Variants in CWH43 observed in about 807,000 individuals in gnomAD.
CWH43 encodes the protein cell wall biogenesis 43 C-terminal homolog.
CWH43 carries 91 observed loss-of-function variants against 85.7 expected under a neutral mutation model. The observed-to-expected ratio is 1.06, with a 90% CI of 0.90 to 1.26. CWH43 has a LOEUF of 1.26. Among genes scored for constraint, CWH43 ranks in the 50% most tolerant of loss-of-function variants. The pLI is 0.00. For missense variants in CWH43, 869 were observed against 839.2 expected (o/e 1.04, Z -0.44); for synonymous variants, 323 against 293.6 (o/e 1.10, Z -1.02).
chr4:49,016,661 CAG>C (rs1783557154), intron 8 of CWH43: 15 of 758,698 alleles, frequency 2.0e-5, no homozygotes, highest in Non-Finnish European at 3.2e-5. Flanking sequence ...AGGGGAGGGG[CAG>C]TTACTGGGCT....
At chr4:49,049,127 T>G (rs1303677799) in intron 14 of CWH43, among the ~76,000 whole-genome samples, 1 of 152,202 alleles carries the variant, frequency 6.6e-6, no homozygotes, top group African/African-American at 2.4e-5. Flanking sequence ...TAACCTAGAT[T>G]TGCTAAAGAC....
chr4:49,003,681 C>A, intron 6 of CWH43, 54 bp from the exon 7 acceptor site: 2 of 1,593,374 alleles, frequency 1.3e-6, no homozygotes, highest in South Asian at 2.3e-5. Flanking sequence ...ATAAATTGGT[C>A]ATCCTCTAAG....
At position 49,015,038 on chromosome 4, in the gene CWH43, G is replaced by A. The variant is rs1283536786; in HGVS notation, c.1187-2211G>A. Reference sequence around the variant, plus strand: ...ATCCCCTGTGCCTCACCTAATCATCGATTCCTCCTCCAAACCCCTGGCAAC... The same window carrying A: ...ATCCCCTGTGCCTCACCTAATCATCAATTCCTCCTCCAAACCCCTGGCAAC... On this transcript the variant is annotated intron_variant, in intron 8 of 15. Transcript: ENST00000226432. Among the ~76,000 whole-genome samples the A allele has an allele frequency of 3.9e-5, 6 of 151,966 alleles. No homozygotes were observed. In the South Asian group the frequency reaches 8.3e-4, roughly 21 times the overall value.
chr4:49,004,541 C>T (rs1429140237), intron 7 of CWH43, among the ~76,000 whole-genome samples: 1 of 152,172 alleles, frequency 6.6e-6, no homozygotes, highest in Non-Finnish European at 1.5e-5. Flanking sequence ...GTGTGGGCCA[C>T]CACACTCCAC....
rs368038070 is a variant in CWH43, at chr4:48,992,047, A to T, written c.468A>T (p.Ile156=). The T allele has an allele frequency of 4.3e-6, 7 of 1,614,070 alleles. No homozygotes were observed. In the Admixed American group the frequency reaches 1.2e-4, roughly 27 times the overall value. Residue 156 remains isoleucine (I), a synonymous_variant, in exon 4 of 16, where the codon ATA becomes ATT. Transcript: ENST00000226432. The surrounding 1 kb of genome is among the most constrained non-coding windows in gnomAD (Gnocchi z 4.3). ...IWSYQMSNKV[I]LTLSAIATLD... is the part of the protein sequence containing the mutation. The stretch of plus-strand genomic sequence containing the variant: ...GTTATCAGATGTCCAACAAAGTGAT[A>T]CTGACATTAAGTGCCATAGCCACAC...
chr4:49,026,139 C>T (rs1302961248), intron 9 of CWH43, among the ~76,000 whole-genome samples: 1 of 152,144 alleles, frequency 6.6e-6, no homozygotes, highest in Non-Finnish European at 1.5e-5. Flanking sequence ...AGAAAGCCGG[C>T]AGCCACAGGC....
At chr4:49,051,258 C>T (rs1255229139) in intron 15 of CWH43, among the ~76,000 whole-genome samples, 1 of 152,128 alleles carries the variant, frequency 6.6e-6, no homozygotes, top group Non-Finnish European at 1.5e-5. Context: ...GAAGCTCAAG[C>T]TTAAGAACAT....
chr4:49,015,246 T>C (rs983151807), intron 8 of CWH43, among the ~76,000 whole-genome samples: 2 of 152,188 alleles, frequency 1.3e-5, no homozygotes, highest in Admixed American at 6.5e-5. Flanking sequence ...TTTTGATATT[T>C]TTTTCATTGA....
At chr4:49,038,311 C>CA (rs1784324576) in intron 13 of CWH43, 131 bp downstream of exon 13, 1 of 690,198 alleles carries the variant, frequency 1.4e-6, no homozygotes, top group Admixed American at 2.9e-5. Flanking sequence ...AAAATCACCA[C>CA]AAAACATGTG....
chr4:49,003,509 A>T, intron 6 of CWH43: 2 of 494,058 alleles, frequency 4.0e-6, no homozygotes, highest in Non-Finnish European at 7.1e-6. Context: ...AGGAAATAGC[A>T]GTGAACTGAG....
At chr4:49,004,997 T>A (rs1783111322) in intron 7 of CWH43, among the ~76,000 whole-genome samples, 1 of 152,204 alleles carries the variant, frequency 6.6e-6, no homozygotes, top group African/African-American at 2.4e-5. Context: ...GTTTACATAA[T>A]TTTAGCTTAA....
In CWH43 at chr4:49,029,409, G is replaced by C. The variant is rs58107350; in HGVS notation, c.1372+675G>C. Among the ~76,000 whole-genome samples, 1,282 of 152,320 alleles carry C rather than the reference G, an allele frequency of 8.4e-3. 3 individuals are homozygous for C. The highest frequency in any genetic ancestry group is 0.015 in the African/African-American group (630 of 41,570). On this transcript the variant is annotated intron_variant, in intron 10 of 15. Coordinates refer to ENST00000226432, the MANE Select transcript of CWH43 (RefSeq NM_025087.3). ...CAATGCACTGCGGAAAGCCACAGGGGCCTCTGCCCAAGAAAGCTTGGGTAT... is the reference window on the plus strand; with the variant it reads ...CAATGCACTGCGGAAAGCCACAGGGCCCTCTGCCCAAGAAAGCTTGGGTAT...
Position 49,018,861 on chromosome 4 carries a change from A to G in CWH43, c.1266+1533A>G, listed in dbSNP as rs138390235. On this transcript the variant is annotated intron_variant, in intron 9 of 15. Transcript: ENST00000226432. ...TCCAGTAACTTACAGAGTGCTTGCCAGGTATTCAGAACTAAGTAACTATTT... is the reference window on the plus strand; with the variant it reads ...TCCAGTAACTTACAGAGTGCTTGCCGGGTATTCAGAACTAAGTAACTATTT... Among the ~76,000 whole-genome samples the G allele has an allele frequency of 2.3e-4, 35 of 152,332 alleles. No individual in the cohort carries two copies. The East Asian group carries it at 6.4e-3, about 28-fold the overall frequency.
At chr4:49,060,157 A>G (rs1270090444) in intron 15 of CWH43, among the ~76,000 whole-genome samples, 1 of 152,010 alleles carries the variant, frequency 6.6e-6, no homozygotes, top group Non-Finnish European at 1.5e-5. Flanking sequence ...GCCTGGGGTT[A>G]TAAGGGGTGG....
At chr4:49,050,607 T>C (rs1784761847) in intron 14 of CWH43, 87 bp from the exon 15 acceptor site, 1 of 1,047,952 alleles carries the variant, frequency 9.5e-7, no homozygotes, top group East Asian at 2.4e-5. Flanking sequence ...GGGAAACTGG[T>C]TTAATAACAA....
intron 11 of CWH43, among the ~76,000 whole-genome samples, 167 bp from the exon 12 acceptor site, chr4:49,032,399 G>T (rs1784124982): frequency 6.6e-6 from 1 of 152,164 alleles, no homozygotes; most frequent in Admixed American, 6.5e-5. Context: ...CAGATGAAAT[G>T]ATCTGACAAA....
At chr4:49,005,150 T>A (rs556120672) in intron 7 of CWH43, among the ~76,000 whole-genome samples, 78 of 152,254 alleles carry the variant, frequency 5.1e-4, no homozygotes, top group Non-Finnish European at 9.6e-4. Flanking sequence ...TGAAAAAAAA[T>A]GATCATGTAC....
intron 7 of CWH43, among the ~76,000 whole-genome samples, chr4:49,004,816 A>G (rs1474065099): frequency 6.6e-6 from 1 of 152,238 alleles, no homozygotes; most frequent in Non-Finnish European, 1.5e-5. Flanking sequence ...TACCAAAATT[A>G]TAATTTAATA....
At chr4:49,031,108 C>A in intron 11 of CWH43, 148 bp downstream of exon 11, 1 of 693,266 alleles carries the variant, frequency 1.4e-6, no homozygotes, top group Non-Finnish European at 2.3e-6. Context: ...GAGATATGCA[C>A]ATTCTGTAAT....
Sources: gnomAD v4.1 joint callset for allele counts (sites outside exome capture counted in the v4.1 genomes callset) on GRCh38, gnomAD v4.1.1 for gene constraint, Gnocchi (gnomAD v3.1) non-coding constraint, MANE v1.5 for transcripts, NCBI Gene and HGNC (gene_info 2026-07-23, HGNC 2026-07-21) for gene names.